The following DDX17 variants were observed in gnomAD, a reference collection of about 807,000 sequenced individuals.
The protein encoded by DDX17 is DEAD-box helicase 17.
Under a neutral mutation model 80.8 loss-of-function variants are expected in DDX17, and 10 were observed. The observed-to-expected ratio is 0.12, with a 90% CI of 0.08 to 0.21. The LOEUF is 0.21. Among genes scored for constraint, DDX17 ranks in the 10% least tolerant of loss-of-function variants. The pLI is 1.00. For missense variants in DDX17, 586 were observed against 957.4 expected (o/e 0.61, Z 5.12); for synonymous variants, 339 against 336.2 (o/e 1.01, Z -0.09).
chr22:38,498,304 G>A, intron 4 of DDX17, 136 bp downstream of exon 4: 3 of 1,400,372 alleles, frequency 2.1e-6, no homozygotes, highest in Admixed American at 4.7e-5. Context: ...AACATAAAAT[G>A]CTTCCATATA....
chr22:38,484,268 AAAGTT>A lies in DDX17; in HGVS notation c.*1662_*1666del, dbSNP rs950316966. On this transcript the variant is annotated 3_prime_UTR_variant, in exon 13 of 13. Transcript: ENST00000403230. ...ATGGGGGGGGGACAAAAAGAGAAGTAAAGTTAAGAAGAAAGTGGAAAATTAAAAAA... is the reference window on the plus strand; with the variant it reads ...ATGGGGGGGGGACAAAAAGAGAAGTAAAGAAGAAAGTGGAAAATTAAAAAA... The A allele has an allele frequency of 3.9e-5, 6 of 152,606 alleles. No homozygotes were observed. The highest frequency in any genetic ancestry group is 1.4e-4 in the African/African-American group (6 of 41,418). 9.5% of individuals were successfully genotyped at this position (152,606 alleles called of 1,614,324 possible). A position where few individuals can be genotyped will look rare whatever the true frequency, so the allele number is the denominator to read the frequency against.
chr22:38,502,961 C>A (rs2089845225), intron 1 of DDX17, among the ~76,000 whole-genome samples: 1 of 152,182 alleles, frequency 6.6e-6, no homozygotes, highest in African/African-American at 2.4e-5. Context: ...TCTGGCTTAA[C>A]CAGCCAGACA....
chr22:38,495,689 T>C (rs2089756834), intron 6 of DDX17, 107 bp downstream of exon 6: 2 of 887,882 alleles, frequency 2.3e-6, no homozygotes, highest in South Asian at 2.6e-5. Context: ...TCTAAGCTGC[T>C]GAAATTCTGA....
chr22:38,486,275 C>T lies in DDX17; in HGVS notation c.1850G>A (p.Ser617Asn), dbSNP rs2089658539. ...GGCAGAATTTGGACTTCCATAGCCA[C>T]TGCCATTAGCATAACCAGCTCTATC... is the stretch of plus-strand genomic sequence containing the variant. Residue 617 changes from serine (S) to asparagine (N), a missense_variant, in exon 13 of 13, where the codon AGT becomes AAT. By Grantham distance (46) the Ser-to-Asn change is conservative (BLOSUM62 1). Coordinates refer to ENST00000403230, the MANE Select transcript of DDX17 (RefSeq NM_006386.5). The T allele has an allele frequency of 2.5e-6, 4 of 1,614,118 alleles. No homozygotes were observed. The highest frequency in any genetic ancestry group is 3.4e-6 in the Non-Finnish European group (4 of 1,180,050).
chr22:38,502,285 C>T (rs138589582), intron 1 of DDX17, among the ~76,000 whole-genome samples: 2,092 of 152,014 alleles, frequency 0.014, 14 homozygotes, highest in Non-Finnish European at 0.02. Context: ...TGGTGGTGCA[C>T]GCCTGTAATC....
intron 1 of DDX17, chr22:38,505,610 G>A: frequency 3.8e-6 from 1 of 262,504 alleles, no homozygotes; most frequent in Admixed American, 5.5e-5. Context: ...AAGCGGCCCG[G>A]CTCGAGAGCC....
Position 38,486,317 on chromosome 22 carries a change from C to T in DDX17, c.1808G>A (p.Arg603Gln), listed in dbSNP as rs764950504. The T allele has an allele frequency of 1.9e-6, 3 of 1,614,150 alleles. No homozygotes were observed. The highest frequency in any genetic ancestry group is 1.3e-5 in the African/African-American group (1 of 75,032). ...AGCTCTATCGGTTTCACTACGATCCCGATAGCTTGCAGAGTCTCTCCGGCC... is the reference window on the plus strand; with the variant it reads ...AGCTCTATCGGTTTCACTACGATCCTGATAGCTTGCAGAGTCTCTCCGGCC... The change falls in exon 13 of 13, where the codon CGG (arginine) becomes CAG (glutamine). Residue 603 changes from arginine (R) to glutamine (Q), a missense_variant. Arg to Gln is a conservative substitution (Grantham distance 43, BLOSUM62 1). Around this residue, in one of 4 missense-constraint regions of DDX17, gnomAD observed 221 missense variants for 261.4 expected, o/e 0.85. Transcript: ENST00000403230.
chr22:38,506,217 G>C lies in DDX17; in HGVS notation c.21C>G (p.Ala7=). The C allele has an allele frequency of 1.2e-6, 2 of 1,606,544 alleles. No homozygotes were observed. Among genetic ancestry groups the C allele is most frequent in the Non-Finnish European group, 1.7e-6 (2 of 1,177,102 alleles). ...ACGGGAGCAAAACACAGAGAATCGG[G>C]GCTACAAAGCCGGTGGGCAGGTTTG... The change falls in exon 1 of 13, where the codon GCC becomes GCG. Residue 7 remains alanine (A), a synonymous_variant. Transcript: ENST00000403230.
At position 38,489,795 on chromosome 22, in the gene DDX17, T is replaced by C. The variant is rs186354659; in HGVS notation, c.1448-1680A>G. On this transcript the variant is annotated intron_variant, in intron 11 of 12. Coordinates refer to ENST00000403230, the MANE Select transcript of DDX17 (RefSeq NM_006386.5). This position sits in a 1 kb window ranked among gnomAD's most constrained non-coding sequence, Gnocchi z 4.6. ...CAGCTTGAGTCTCCGGCTAGGGTCGTTGACGCAACAAAGGAAAAAAGAATT... is the reference window on the plus strand; with the variant it reads ...CAGCTTGAGTCTCCGGCTAGGGTCGCTGACGCAACAAAGGAAAAAAGAATT... 2.4e-5 allele frequency: 24 copies of C among 985,568 alleles called. No individual in the cohort carries two copies. Among genetic ancestry groups the C allele is most frequent in the South Asian group, 4.7e-5 (1 of 21,292 alleles). 61.1% of individuals were successfully genotyped at this position (985,568 alleles called of 1,614,324 possible).
chr22:38,495,096 A>C, intron 6 of DDX17, 50 bp from the exon 7 acceptor site: 2 of 1,568,600 alleles, frequency 1.3e-6, no homozygotes, highest in Non-Finnish European at 1.7e-6. Flanking sequence ...GCAGTGGCTC[A>C]CAGCTGTGTT....
intron 1 of DDX17, among the ~76,000 whole-genome samples, chr22:38,503,387 CCTG>C (rs2089849442): frequency 1.3e-5 from 2 of 152,182 alleles, no homozygotes; most frequent in South Asian, 4.1e-4. Flanking sequence ...AAGTAAGATT[CCTG>C]TTAAGGCTTT....
In DDX17 at chr22:38,485,824, AAAAAAAG is replaced by A; in HGVS notation, c.*104_*110del. The A allele has an allele frequency of 1.4e-6, 2 of 1,393,954 alleles. No individual in the cohort carries two copies. The highest frequency in any genetic ancestry group is 6.4e-5 in the Admixed American group (2 of 31,050). The allele number at this position is 1,393,954 out of a possible 1,614,324, so 86.3% of individuals were successfully genotyped here. A position where few individuals can be genotyped will look rare whatever the true frequency, so the allele number is the denominator to read the frequency against. On this transcript the variant is annotated 3_prime_UTR_variant, in exon 13 of 13. Transcript: ENST00000403230. ...ATGGTTGGGGGGAAAAATTAAAAAA[AAAAAAAG>A]AAAAAAGGAAAAAAAAAGAAAAGGC...
chr22:38,501,055 G>T lies in DDX17; in HGVS notation c.438+75C>A. The T allele has an allele frequency of 3.3e-6, 5 of 1,500,270 alleles. No individual in the cohort carries two copies. In the South Asian group the frequency reaches 5.3e-5, roughly 16 times the overall value. 92.9% of individuals were successfully genotyped at this position (1,500,270 alleles called of 1,614,324 possible). On this transcript the variant is annotated intron_variant, in intron 2 of 12. Transcript: ENST00000403230. ...AATAAAATGTAAAACGGCAACAGTA[G>T]CGTATGAATAAACTCTAACCAATAT...
At position 38,484,863 on chromosome 22, in the gene DDX17, AAAT is replaced by A. The variant is rs1475542378; in HGVS notation, c.*1069_*1071del. 1 of 152,256 alleles carries A rather than the reference AAAT, an allele frequency of 6.6e-6. No homozygotes were observed. Among genetic ancestry groups the A allele is most frequent in the African/African-American group, 2.4e-5 (1 of 41,466 alleles). The allele number at this position is 152,256 out of a possible 1,614,324, so 9.4% of individuals were successfully genotyped here. A position where few individuals can be genotyped will look rare whatever the true frequency, so the allele number is the denominator to read the frequency against. ...CACTGCAGAGAACAGGGTATGAAGA[AAAT>A]AAAGAGTTCTTAATAAACCCTTAAG... On this transcript the variant is annotated 3_prime_UTR_variant, in exon 13 of 13. Coordinates refer to ENST00000403230, the MANE Select transcript of DDX17 (RefSeq NM_006386.5).
rs561938340 is a variant in DDX17, at chr22:38,484,866, T to C, written c.*1069A>G. 6.6e-6 allele frequency: 1 copy of C among 152,160 alleles called. No individual in the cohort carries two copies. Among genetic ancestry groups the C allele is most frequent in the Non-Finnish European group, 1.5e-5 (1 of 68,006 alleles). The allele number at this position is 152,160 out of a possible 1,614,324, so 9.4% of individuals were successfully genotyped here. A position where few individuals can be genotyped will look rare whatever the true frequency, so the allele number is the denominator to read the frequency against. On this transcript the variant is annotated 3_prime_UTR_variant, in exon 13 of 13. Transcript: ENST00000403230. ...TGCAGAGAACAGGGTATGAAGAAAATAAAGAGTTCTTAATAAACCCTTAAG... is the reference window on the plus strand; with the variant it reads ...TGCAGAGAACAGGGTATGAAGAAAACAAAGAGTTCTTAATAAACCCTTAAG...
At chr22:38,494,486 TATG>T in intron 8 of DDX17, 141 bp downstream of exon 8, 1 of 747,218 alleles carries the variant, frequency 1.3e-6, no homozygotes, top group South Asian at 1.9e-5. Flanking sequence ...TGACAAATGA[TATG>T]ATGATGGATT....
At position 38,499,540 on chromosome 22, in the gene DDX17, C is replaced by T. The variant is rs759064488; in HGVS notation, c.439-41G>A. The T allele has an allele frequency of 3.4e-6, 5 of 1,460,406 alleles. No homozygotes were observed. The Admixed American group carries it at 6.7e-5, about 20-fold the overall frequency. 90.5% of individuals were successfully genotyped at this position (1,460,406 alleles called of 1,614,324 possible). A position where few individuals can be genotyped will look rare whatever the true frequency, so the allele number is the denominator to read the frequency against. The stretch of plus-strand genomic sequence containing the variant: ...GAAAGAAGTTAGTAAACTAGTTATT[C>T]TAAACATTCAGAATTTATGTTCCAA... On this transcript the variant is annotated intron_variant, in intron 2 of 12. Coordinates refer to ENST00000403230, the MANE Select transcript of DDX17 (RefSeq NM_006386.5).
rs1319301502 is a variant in DDX17 at position 38,483,587 on chromosome 22, C to A, written c.*2348G>T. On this transcript the variant is annotated 3_prime_UTR_variant, in exon 13 of 13. Transcript: ENST00000403230. ...TCTACAAGTCTTTCAAGTCTTAATG[C>A]AACAGGAATGTGTCTGGAGACCAGC... 2 of 152,440 alleles carry A rather than the reference C, an allele frequency of 1.3e-5. No individual in the cohort carries two copies. The highest frequency in any genetic ancestry group is 2.4e-5 in the African/African-American group (1 of 41,360). 9.4% of individuals were successfully genotyped at this position (152,440 alleles called of 1,614,324 possible).
Position 38,486,138 on chromosome 22 carries a change from T to C in DDX17, c.1987A>G (p.Ser663Gly), listed in dbSNP as rs1185991075. Residue 663 changes from serine (S) to glycine (G), a missense_variant, in exon 13 of 13, where the codon AGT (serine) becomes GGT (glycine). Transcript: ENST00000403230. ...CTTCTCCCAGTTGAGGTGGTGCTACTAGCTCCATAAGTGCCAGCACCATAT... is the reference window on the plus strand; with the variant it reads ...CTTCTCCCAGTTGAGGTGGTGCTACCAGCTCCATAAGTGCCAGCACCATAT... The C allele has an allele frequency of 4.3e-6, 7 of 1,614,224 alleles. No individual in the cohort carries two copies. Among genetic ancestry groups the C allele is most frequent in the Non-Finnish European group, 5.1e-6 (6 of 1,180,040 alleles).
Sources: gnomAD v4.1 joint callset for allele counts (sites outside exome capture counted in the v4.1 genomes callset) on GRCh38, gnomAD v4.1.1 for gene constraint, gnomAD v4.1.1 regional missense constraint, Gnocchi (gnomAD v3.1) non-coding constraint, MANE v1.5 for transcripts, NCBI Gene and HGNC (gene_info 2026-07-23, HGNC 2026-07-21) for gene names.